SLC22A15: variants seen among roughly 807,000 people sequenced by gnomAD.
The protein encoded by SLC22A15 is solute carrier family 22 member 15.
SLC22A15 carries 45 observed loss-of-function variants against 62.7 expected under a neutral mutation model. The ratio of observed to expected loss-of-function variants is 0.72; its 90% CI spans 0.56 to 0.92. The LOEUF is 0.92. Among genes scored for constraint, SLC22A15 ranks in the 40% least tolerant of loss-of-function variants. SLC22A15 has a pLI of 0.00. For missense variants in SLC22A15, 622 were observed against 665.6 expected (o/e 0.93, Z 0.72); for synonymous variants, 264 against 267.0 (o/e 0.99, Z 0.11).
chr1:116,010,956 G>T (rs141896614), intron 2 of SLC22A15, among the ~76,000 whole-genome samples: 1 of 152,352 alleles, frequency 6.6e-6, no homozygotes, highest in African/African-American at 2.4e-5. Flanking sequence ...TGGTTGACCT[G>T]CTTGGACAAC....
At chr1:116,037,239 G>T in intron 7 of SLC22A15, 64 bp from the exon 8 acceptor site, 5 of 1,356,912 alleles carry the variant, frequency 3.7e-6, no homozygotes, top group South Asian at 1.2e-5. Flanking sequence ...TAAGAAGGTT[G>T]GGAAGAAACA....
rs1291309815 is a variant in SLC22A15, at chr1:116,068,444, A to G, written c.*1336A>G. 6.6e-6 allele frequency: 1 copy of G among 152,490 alleles called. No individual in the cohort carries two copies. 9.4% of individuals were successfully genotyped at this position (152,490 alleles called of 1,614,324 possible). ...GGCTGCTTCTGGAAGTGCTGGAAGCATCACCCCAATTGGCTCCAAATACTG... is the reference window on the plus strand; with the variant it reads ...GGCTGCTTCTGGAAGTGCTGGAAGCGTCACCCCAATTGGCTCCAAATACTG... On this transcript the variant is annotated 3_prime_UTR_variant, in exon 12 of 12. Coordinates refer to ENST00000369503, the MANE Select transcript of SLC22A15 (RefSeq NM_018420.3).
Position 115,992,197 on chromosome 1 carries a change from A to T in SLC22A15, c.254A>T (p.His85Leu). 1 of 1,608,234 alleles carries T rather than the reference A, an allele frequency of 6.2e-7. No individual in the cohort carries two copies. The highest frequency in any genetic ancestry group is 1.1e-5 in the South Asian group (1 of 90,040). Reference sequence around the variant, plus strand: ...CTGACAGCCAACGGCAGTGAGATCCATAAGCACGTGCATTTCAGCAGCAGC... The same window carrying T: ...CTGACAGCCAACGGCAGTGAGATCCTTAAGCACGTGCATTTCAGCAGCAGC... ...WLLTANGSEIHKHVHFSSSFT... is the reference protein window; with the variant it reads ...WLLTANGSEILKHVHFSSSFT... The change falls in exon 2 of 12, where the codon CAT (histidine) becomes CTT (leucine). Residue 85 changes from histidine to leucine, a missense_variant. Coordinates refer to ENST00000369503, the MANE Select transcript of SLC22A15 (RefSeq NM_018420.3).
chr1:116,051,456 A>G (rs1009709867), intron 8 of SLC22A15, among the ~76,000 whole-genome samples: 2 of 152,216 alleles, frequency 1.3e-5, no homozygotes, highest in Non-Finnish European at 2.9e-5. Flanking sequence ...AAAAACATAA[A>G]GTGGGGAAAG....
intron 2 of SLC22A15, among the ~76,000 whole-genome samples, chr1:116,002,966 A>T (rs1655810162): frequency 6.6e-6 from 1 of 151,954 alleles, no homozygotes; most frequent in Admixed American, 6.6e-5. Flanking sequence ...CCTGAAGCCA[A>T]CATAAAACTG....
chr1:115,988,354 G>A (rs1221923246), intron 1 of SLC22A15, among the ~76,000 whole-genome samples: 1 of 152,094 alleles, frequency 6.6e-6, no homozygotes, highest in African/African-American at 2.4e-5. Flanking sequence ...TTTTTGGGGG[G>A]GAAAGGAATA....
chr1:116,051,987 G>T (rs945652902), intron 8 of SLC22A15, among the ~76,000 whole-genome samples: 1 of 152,224 alleles, frequency 6.6e-6, no homozygotes, highest in African/African-American at 2.4e-5. Flanking sequence ...GCAGAAGATG[G>T]GTGATTTCTG....
intron 4 of SLC22A15, among the ~76,000 whole-genome samples, chr1:116,025,510 T>C (rs575414879): frequency 3.3e-5 from 5 of 152,158 alleles, no homozygotes; most frequent in Non-Finnish European, 7.3e-5. Context: ...TATAAAGTAA[T>C]AAGCAATGGA....
chr1:116,067,932 C>G lies in SLC22A15; in HGVS notation c.*824C>G, dbSNP rs370854070. ...AAATCATGCATAGTAAATGAGAAAG[C>G]TTTAAGTAGAGGGCAGTTAAACAGT... is the stretch of plus-strand genomic sequence containing the variant. On this transcript the variant is annotated 3_prime_UTR_variant, in exon 12 of 12. Transcript: ENST00000369503. 5.9e-5 allele frequency: 9 copies of G among 152,048 alleles called. No individual in the cohort carries two copies. In the South Asian group the frequency reaches 1.5e-3, roughly 25 times the overall value. The allele number at this position is 152,048 out of a possible 1,614,324, so 9.4% of individuals were successfully genotyped here.
intron 8 of SLC22A15, among the ~76,000 whole-genome samples, chr1:116,042,519 A>G (rs145136522): frequency 8.5e-5 from 13 of 152,316 alleles, no homozygotes; most frequent in East Asian, 7.7e-4. Context: ...AGTGACCTAC[A>G]TAAGTGTAAT....
intron 2 of SLC22A15, among the ~76,000 whole-genome samples, chr1:116,009,209 C>G (rs1354860368): frequency 6.6e-6 from 1 of 152,114 alleles, no homozygotes; most frequent in Non-Finnish European, 1.5e-5. Context: ...CAAAGGCCTC[C>G]TCTGTTTCAC....
At chr1:115,998,376 T>C (rs986272924) in intron 2 of SLC22A15, among the ~76,000 whole-genome samples, 6 of 152,180 alleles carry the variant, frequency 3.9e-5, no homozygotes, top group Non-Finnish European at 7.4e-5. Flanking sequence ...TTAGTTCTTC[T>C]TTAAATGTTT....
intron 2 of SLC22A15, among the ~76,000 whole-genome samples, chr1:115,997,232 A>G (rs1254201753): frequency 6.6e-6 from 1 of 151,404 alleles, no homozygotes; most frequent in South Asian, 2.1e-4. Context: ...TGATTGCTCC[A>G]GTTTTGTTGT....
At chr1:116,042,059 A>C (rs1368903171) in intron 8 of SLC22A15, among the ~76,000 whole-genome samples, 1 of 149,470 alleles carries the variant, frequency 6.7e-6, no homozygotes, top group Non-Finnish European at 1.5e-5. Flanking sequence ...ACAAGACTTA[A>C]AGGAACAATA....
intron 6 of SLC22A15, among the ~76,000 whole-genome samples, chr1:116,033,583 G>GTATGTGTA (rs1553223952): frequency 6.9e-6 from 1 of 145,636 alleles, no homozygotes; most frequent in African/African-American, 2.5e-5. Context: ...GTGTGTGTGT[G>GTATGTGTA]TGTGTATGTG....
intron 2 of SLC22A15, among the ~76,000 whole-genome samples, chr1:115,997,350 A>G (rs1655482005): frequency 6.6e-6 from 1 of 152,070 alleles, no homozygotes; most frequent in South Asian, 2.1e-4. Context: ...TGTCATCAGT[A>G]TTTTGATAGA....
chr1:116,007,773 C>G (rs1036626773), intron 2 of SLC22A15, among the ~76,000 whole-genome samples: 1 of 152,168 alleles, frequency 6.6e-6, no homozygotes, highest in African/African-American at 2.4e-5. Flanking sequence ...TAATAAGCTG[C>G]TAGTCTGGGA....
chr1:116,063,758 TG>T (rs1465895850), intron 9 of SLC22A15, among the ~76,000 whole-genome samples: 2 of 152,338 alleles, frequency 1.3e-5, no homozygotes, highest in African/African-American at 4.8e-5. Flanking sequence ...AGAGCAAATG[TG>T]GGTATGAACT....
chr1:116,011,330 A>G (rs969776374), intron 2 of SLC22A15, among the ~76,000 whole-genome samples: 2 of 152,174 alleles, frequency 1.3e-5, no homozygotes, highest in Non-Finnish European at 2.9e-5. Context: ...CAGATTGGCT[A>G]TAGGAAGAAG....
Sources: gnomAD v4.1 joint callset for allele counts (sites outside exome capture counted in the v4.1 genomes callset) on GRCh38, gnomAD v4.1.1 for gene constraint, MANE v1.5 for transcripts, NCBI Gene and HGNC (gene_info 2026-07-23, HGNC 2026-07-21) for gene names.